The following DLEU7 variants were observed in gnomAD, a reference collection of about 807,000 sequenced individuals.
DLEU7 encodes the protein deleted in lymphocytic leukemia 7, also known as leukemia-associated protein 7.
In DLEU7, 17 loss-of-function variants were observed where a neutral mutation model predicts 16.0. The observed-to-expected ratio is 1.06, with a 90% confidence interval of 0.73 to 1.59. DLEU7 has a LOEUF of 1.59. DLEU7 is among the 40% of genes most tolerant of loss of function. The pLI, the probability that DLEU7 is intolerant of heterozygous loss-of-function variation, is 0.00. For synonymous variants in DLEU7, 113 were observed against 139.8 expected (o/e 0.81, Z 1.35); for missense variants, 308 against 314.9 (o/e 0.98, Z 0.17).
intron 1 of DLEU7, among the ~76,000 whole-genome samples, chr13:50,832,289 T>C (rs1473679044): frequency 6.6e-6 from 1 of 152,216 alleles, no homozygotes; most frequent in Non-Finnish European, 1.5e-5. Context: ...GTTTATAGTA[T>C]TCTCTGATGG....
In DLEU7 at chr13:50,751,724, G is replaced by T. The variant is rs1289174667; in HGVS notation, c.460-38484C>A. Among the ~76,000 whole-genome samples the T allele has an allele frequency of 4.6e-5, 7 of 152,252 alleles. No homozygotes were observed. In the South Asian group the frequency reaches 1.5e-3, roughly 32 times the overall value. ...GGTTTGCTAGTTTATATGCATAAAGGTGTTCATAGTAGCCTTGAATGATTT... is the reference window on the plus strand; with the variant it reads ...GGTTTGCTAGTTTATATGCATAAAGTTGTTCATAGTAGCCTTGAATGATTT... On this transcript the variant is annotated intron_variant, in intron 1 of 1. Coordinates refer to the DLEU7 transcript ENST00000400393.
chr13:50,788,587 CTG>C (rs1329763037), intron 1 of DLEU7, among the ~76,000 whole-genome samples: 1 of 152,204 alleles, frequency 6.6e-6, no homozygotes, highest in African/African-American at 2.4e-5. Flanking sequence ...ACTCTGTCCT[CTG>C]TGTCCTAGAG....
chr13:50,746,954 TACACACAC>T (rs3059124), intron 1 of DLEU7, among the ~76,000 whole-genome samples: 5 of 150,912 alleles, frequency 3.3e-5, no homozygotes, highest in Admixed American at 3.3e-4. Flanking sequence ...TTGTGGAACG[TACACACAC>T]ACACACACAT....
At chr13:50,715,560 C>A (rs1873417703) in intron 1 of DLEU7, 1 of 152,152 alleles carries the variant, frequency 6.6e-6, no homozygotes, top group African/African-American at 2.4e-5. Context: ...ACTCAGGGAA[C>A]GGAACTGGGC....
chr13:50,719,161 C>G (rs892244445), intron 1 of DLEU7, among the ~76,000 whole-genome samples: 6 of 152,086 alleles, frequency 3.9e-5, no homozygotes, highest in African/African-American at 1.4e-4. Flanking sequence ...ATGTGGAAGG[C>G]CCTCATCATT....
chr13:50,817,550 T>G (rs1876769219), intron 1 of DLEU7, among the ~76,000 whole-genome samples: 2 of 152,234 alleles, frequency 1.3e-5, no homozygotes, highest in Middle Eastern at 3.4e-3. Context: ...TAAATGTGTC[T>G]TGAAACTCAC....
Position 50,832,117 on chromosome 13 carries a change from G to A in DLEU7, c.460-8597C>T, listed in dbSNP as rs562780368. 3.9e-5 allele frequency among the ~76,000 whole-genome samples: 6 copies of A among 152,036 alleles called. 1 individual carries two copies. The highest frequency in any genetic ancestry group is 4.2e-4 in the South Asian group (2 of 4,818). ...CAACTGTGAATCCATCTGGTCCTGGGCTTTTTTTAGTTGGTAGGTTATTAA... is the reference window on the plus strand; with the variant it reads ...CAACTGTGAATCCATCTGGTCCTGGACTTTTTTTAGTTGGTAGGTTATTAA... On this transcript the variant is annotated intron_variant, in intron 1 of 1. Coordinates refer to ENST00000504404, the MANE Select transcript of DLEU7 (RefSeq NM_001306135.2).
chr13:50,752,805 C>G (rs1052033496), intron 1 of DLEU7, among the ~76,000 whole-genome samples: 13 of 152,078 alleles, frequency 8.5e-5, no homozygotes, highest in Non-Finnish European at 2.9e-5. Context: ...AGATTTATTG[C>G]AAAGAGTGAA....
chr13:50,716,589 G>A (rs562430737), intron 1 of DLEU7, among the ~76,000 whole-genome samples: 3 of 152,300 alleles, frequency 2.0e-5, no homozygotes, highest in East Asian at 1.9e-4. Context: ...CTATATACAC[G>A]TGGGCAGATC....
At chr13:50,795,304 A>G (rs1326439798) in intron 1 of DLEU7, among the ~76,000 whole-genome samples, 1 of 152,166 alleles carries the variant, frequency 6.6e-6, no homozygotes, top group East Asian at 1.9e-4. Context: ...CAGGGATTAT[A>G]GCAAAAGGAC....
chr13:50,777,152 A>G (rs2137762250), intron 1 of DLEU7, among the ~76,000 whole-genome samples: 1 of 152,334 alleles, frequency 6.6e-6, no homozygotes, highest in East Asian at 1.9e-4. Flanking sequence ...TACGGAAAGT[A>G]TTTAAGTTTC....
chr13:50,753,117 G>C (rs941096440), intron 1 of DLEU7, among the ~76,000 whole-genome samples: 3 of 142,620 alleles, frequency 2.1e-5, no homozygotes, highest in Non-Finnish European at 4.6e-5. Flanking sequence ...GAGCTAGACA[G>C]AGTGCTGATT....
At chr13:50,788,949 A>G (rs760340143) in intron 1 of DLEU7, among the ~76,000 whole-genome samples, 49 of 152,250 alleles carry the variant, frequency 3.2e-4, no homozygotes, top group Non-Finnish European at 3.5e-4. Context: ...TCGAGGAAAG[A>G]GCAGCTTCTA....
rs950537140 is a variant in DLEU7, at chr13:50,835,884, C to A, written c.459+7304G>T. On this transcript the variant is annotated intron_variant, in intron 1 of 1. Coordinates refer to ENST00000504404, the MANE Select transcript of DLEU7 (RefSeq NM_001306135.2). ...GCTTGGTACTGAAAATAAACACTCT[C>A]ATCATAACTGGAGTCTTGAAGACAA... Among the ~76,000 whole-genome samples the A allele has an allele frequency of 2.0e-5, 3 of 152,228 alleles. No individual in the cohort carries two copies. The South Asian group carries it at 6.2e-4, about 31-fold the overall frequency.
chr13:50,745,925 A>C (rs1469945893), intron 1 of DLEU7, among the ~76,000 whole-genome samples: 1 of 152,186 alleles, frequency 6.6e-6, no homozygotes. Context: ...AATTTTTCAG[A>C]TGGAAACTGA....
At chr13:50,765,354 G>A (rs140597378) in intron 1 of DLEU7, among the ~76,000 whole-genome samples, 6 of 152,192 alleles carry the variant, frequency 3.9e-5, no homozygotes, top group Admixed American at 6.5e-5. Context: ...TTTAGAAAGC[G>A]AAGCCTGAAG....
At chr13:50,720,140 A>G (rs1873557685) in intron 1 of DLEU7, among the ~76,000 whole-genome samples, 1 of 152,234 alleles carries the variant, frequency 6.6e-6, no homozygotes, top group Non-Finnish European at 1.5e-5. Flanking sequence ...ATGCTCTCAC[A>G]GTACTACAGA....
chr13:50,743,938 A>C (rs188684204), intron 1 of DLEU7, among the ~76,000 whole-genome samples: 1 of 152,136 alleles, frequency 6.6e-6, no homozygotes, highest in Admixed American at 6.5e-5. Context: ...TCATCCTTCC[A>C]TACACTGCTT....
intron 1 of DLEU7, among the ~76,000 whole-genome samples, chr13:50,718,322 G>C (rs1873495478): frequency 6.6e-6 from 1 of 152,144 alleles, no homozygotes; most frequent in Non-Finnish European, 1.5e-5. Context: ...TTGAGACAGT[G>C]GAACCATTTG....
Sources: gnomAD v4.1 joint callset for allele counts (sites outside exome capture counted in the v4.1 genomes callset) on GRCh38, gnomAD v4.1.1 for gene constraint, MANE v1.5 for transcripts, NCBI Gene and HGNC (gene_info 2026-07-23, HGNC 2026-07-21) for gene names.